The following XAF1 variants were observed in gnomAD, a reference collection of about 807,000 sequenced individuals.
The protein encoded by XAF1 is XIAP associated factor 1.
Under a neutral mutation model 32.3 loss-of-function variants are expected in XAF1, and 32 were observed. That is an observed-to-expected ratio of 0.99 (90% CI 0.75 to 1.33). XAF1 has a LOEUF of 1.33. Among genes scored for constraint, XAF1 ranks in the 40% most tolerant of loss-of-function variants. The pLI is 0.00. For missense variants in XAF1, 379 were observed against 366.0 expected, an observed-to-expected ratio of 1.04 and a Z score of -0.29; for synonymous variants, 120 against 125.9, an observed-to-expected ratio of 0.95 and a Z score of 0.31.
intron 1 of XAF1, 57 bp from the exon 2 acceptor site, chr17:6,758,032 A>G (rs1438909989): frequency 1.2e-6 from 2 of 1,610,670 alleles, no homozygotes; most frequent in Non-Finnish European, 1.7e-6. Context: ...ATACAGCTCC[A>G]TGTTTTATAA....
intron 6 of XAF1, among the ~76,000 whole-genome samples, chr17:6,772,558 C>A (rs1032414118): frequency 5.5e-5 from 8 of 145,676 alleles, no homozygotes; most frequent in Non-Finnish European, 1.2e-4. Context: ...GCGATCTCTG[C>A]CTCCCGGGTT....
rs1372588966 is a variant in XAF1 at position 6,758,070 on chromosome 17, C to T, written c.33-19C>T. On this transcript the variant is annotated intron_variant, in intron 1 of 6. Coordinates refer to ENST00000361842, the MANE Select transcript of XAF1 (RefSeq NM_017523.5). ...TGAAAATAAGTCTATTTTTCTATCC[C>T]CACACCTTGACCCTGTAGTAAAAGA... 6 of 1,614,028 alleles carry T rather than the reference C, an allele frequency of 3.7e-6. No homozygotes were observed. Among genetic ancestry groups the T allele is most frequent in the Admixed American group, 3.3e-5 (2 of 60,002 alleles).
chr17:6,765,221 G>A (rs1274159144), intron 5 of XAF1, among the ~76,000 whole-genome samples: 1 of 152,118 alleles, frequency 6.6e-6, no homozygotes, highest in African/African-American at 2.4e-5. Context: ...AGACCAACCT[G>A]GCTAACACAG....
At chr17:6,756,376 C>T (rs1974656390) in intron 1 of XAF1, 8 of 1,046,246 alleles carry the variant, frequency 7.6e-6, no homozygotes, top group South Asian at 1.9e-5. Context: ...CCAAATAGCC[C>T]GGCCAGTGGT....
Position 6,760,483 on chromosome 17 carries a change from C to A in XAF1, c.303C>A (p.His101Gln). 3 of 1,613,398 alleles carry A rather than the reference C, an allele frequency of 1.9e-6. No homozygotes were observed. Among genetic ancestry groups the A allele is most frequent in the Non-Finnish European group, 2.5e-6 (3 of 1,179,778 alleles). ...LDMQLSKLEL[H>Q]ESYCGSRTEL... ...TGCAGCTCAGCAAGCTGGAGCTCCA[C>A]GAGTCCTACTGTGGCAGCCGGACAG... Residue 101 changes from histidine to glutamine, a missense_variant, in exon 4 of 7, where the codon CAC becomes CAA. Physicochemically the swap from His to Gln is conservative, Grantham distance 24. Coordinates refer to ENST00000361842, the MANE Select transcript of XAF1 (RefSeq NM_017523.5).
chr17:6,773,027 CAA>C, intron 6 of XAF1, 84 bp from the exon 7 acceptor site: 1 of 1,216,354 alleles, frequency 8.2e-7, no homozygotes, highest in East Asian at 2.5e-5. Flanking sequence ...TGCTCTGTAA[CAA>C]GGGACAGCAA....
In XAF1 at chr17:6,760,436, T is replaced by G; in HGVS notation, c.256T>G (p.Cys86Gly). The stretch of plus-strand genomic sequence containing the variant: ...TGAGTGCCAGGAGCGCCCTGTTGAG[T>G]GTAAGTTCTGCAAACTGGACATGCA... ...ANECQERPVE[C>G]KFCKLDMQLS... is the part of the protein sequence containing the mutation. The change falls in exon 4 of 7, where the codon TGT (cysteine) becomes GGT (glycine). Residue 86 changes from cysteine to glycine, a missense_variant. Cys to Gly is a radical substitution (Grantham distance 159). Transcript: ENST00000361842. The G allele has an allele frequency of 6.2e-7, 1 of 1,611,306 alleles. No individual in the cohort carries two copies. The highest frequency in any genetic ancestry group is 8.5e-7 in the Non-Finnish European group (1 of 1,179,392).
intron 1 of XAF1, 141 bp from the exon 2 acceptor site, chr17:6,757,948 T>C: frequency 8.9e-7 from 1 of 1,128,770 alleles, no homozygotes; most frequent in Non-Finnish European, 1.3e-6. Context: ...ACACAGGGAG[T>C]GTGGGGCAGG....
At position 6,770,697 on chromosome 17, in the gene XAF1, GA is replaced by G; in HGVS notation, c.565del (p.Ile189PhefsTer29). On this transcript the variant is annotated frameshift_variant, in exon 6 of 7. Coordinates refer to ENST00000361842, the MANE Select transcript of XAF1 (RefSeq NM_017523.5). LOFTEE classifies it high-confidence loss of function. ...FKKHFPVGNPEILPSSLPSQA... is the reference protein window; with the variant it reads ...FKKHFPVGNPXILPSSLPSQA... ...GAAACACTTTCCTGTTGGAAATCCA[GA>G]AATTCTTCCTTCATCTCTTCCAAGT... 1 of 1,610,254 alleles carries G rather than the reference GA, an allele frequency of 6.2e-7. No individual in the cohort carries two copies. Among genetic ancestry groups the G allele is most frequent in the Non-Finnish European group, 8.5e-7 (1 of 1,179,092 alleles).
At chr17:6,763,673 G>T (rs75358677) in intron 5 of XAF1, among the ~76,000 whole-genome samples, 1,525 of 152,154 alleles carry the variant, frequency 0.01, 11 homozygotes, top group Non-Finnish European at 0.015. Flanking sequence ...CCACCTTTCA[G>T]CTCTTTGCTT....
Position 6,757,571 on chromosome 17 carries a change from A to G in XAF1, c.33-518A>G, listed in dbSNP as rs1356207869. 7 of 101,488 alleles carry G rather than the reference A, an allele frequency of 6.9e-5. No homozygotes were observed. The East Asian group carries it at 2.9e-3, about 41-fold the overall frequency. 6.3% of individuals were successfully genotyped at this position (101,488 alleles called of 1,614,324 possible). ...CCAAACAGGGGCACCAGAAAACAAG[A>G]AAAAAGATTCAAGAGAATTTGGCAC... is the stretch of plus-strand genomic sequence containing the variant. On this transcript the variant is annotated intron_variant, in intron 1 of 6. Transcript: ENST00000361842.
chr17:6,771,207 C>A, intron 6 of XAF1: 1 of 479,390 alleles, frequency 2.1e-6, no homozygotes, highest in South Asian at 3.3e-5. Flanking sequence ...CAAGCCAGGT[C>A]TTTGAAGGTA....
At chr17:6,762,432 T>A (rs1975293397) in intron 5 of XAF1, among the ~76,000 whole-genome samples, 192 bp downstream of exon 5, 1 of 152,158 alleles carries the variant, frequency 6.6e-6, no homozygotes, top group Admixed American at 6.5e-5. Flanking sequence ...CAAAAATTGG[T>A]CTTCATTTGT....
At chr17:6,758,299 T>C in intron 2 of XAF1, 75 bp downstream of exon 2, 1 of 1,578,758 alleles carries the variant, frequency 6.3e-7, no homozygotes, top group Non-Finnish European at 8.6e-7. Flanking sequence ...TGAGATGGGG[T>C]CTGAGAGTTG....
At position 6,762,255 on chromosome 17, in the gene XAF1, G is replaced by A. The variant is rs1361450855; in HGVS notation, c.507+15G>A. ...TCCACCATATGGTGAGTAGCACTTA[G>A]TAATTTTCTAATGGTGCCAATAGTT... On this transcript the variant is annotated intron_variant, in intron 5 of 6. Transcript: ENST00000361842. 3 of 1,586,964 alleles carry A rather than the reference G, an allele frequency of 1.9e-6. No individual in the cohort carries two copies. The highest frequency in any genetic ancestry group is 2.0e-4 in the Middle Eastern group (1 of 4,914).
chr17:6,760,854 G>A (rs187141257), intron 4 of XAF1, among the ~76,000 whole-genome samples: 58 of 152,262 alleles, frequency 3.8e-4, no homozygotes, highest in Non-Finnish European at 1.5e-5. Flanking sequence ...ACAAAGTTGA[G>A]TAAAGAGGCC....
At chr17:6,765,401 A>C (rs1478668010) in intron 5 of XAF1, among the ~76,000 whole-genome samples, 2 of 152,212 alleles carry the variant, frequency 1.3e-5, no homozygotes, top group African/African-American at 4.8e-5. Context: ...CGACAGAGCG[A>C]GACTCCATCT....
At chr17:6,758,860 A>G in intron 2 of XAF1, 1 of 219,754 alleles carries the variant, frequency 4.6e-6, no homozygotes, top group Non-Finnish European at 9.4e-6. Flanking sequence ...TCTTCCCTGC[A>G]GGAGAGATGG....
chr17:6,771,173 C>T (rs544157366), intron 6 of XAF1, 189 bp downstream of exon 6: 34 of 555,082 alleles, frequency 6.1e-5, no homozygotes, highest in Admixed American at 2.4e-4. Context: ...GCATCACCTC[C>T]GAGAGACTGA....
Sources: gnomAD v4.1 joint callset for allele counts (sites outside exome capture counted in the v4.1 genomes callset) on GRCh38, gnomAD v4.1.1 for gene constraint, MANE v1.5 for transcripts, NCBI Gene and HGNC (gene_info 2026-07-23, HGNC 2026-07-21) for gene names.